Variants in TNS1 observed in about 807,000 individuals in gnomAD.
The protein encoded by TNS1 is tensin 1.
A neutral mutation model predicts 168.6 loss-of-function variants in TNS1; 62 were observed. The observed-to-expected ratio is 0.37, with a 90% CI of 0.30 to 0.45. The LOEUF (loss-of-function observed/expected upper bound fraction) is 0.45, where lower values mean the gene tolerates loss of function less well. Among genes scored for constraint, TNS1 ranks in the 20% least tolerant of loss-of-function variants. The pLI, the probability that TNS1 is intolerant of heterozygous loss-of-function variation, is 1.00. For synonymous variants in TNS1, 934 were observed against 933.2 expected, an observed-to-expected ratio of 1.00 and a Z score of -0.02; for missense variants, 2,240 against 2,339.4, an observed-to-expected ratio of 0.96 and a Z score of 0.88.
At chr2:217,862,840 G>A (rs1948908992) in intron 18 of TNS1, among the ~76,000 whole-genome samples, 2 of 152,228 alleles carry the variant, frequency 1.3e-5, no homozygotes, top group South Asian at 2.1e-4. Flanking sequence ...AATGTCTGCA[G>A]GTCTAGCTGT....
At chr2:217,873,229 T>C (rs916918687) in intron 18 of TNS1, among the ~76,000 whole-genome samples, 8 of 152,244 alleles carry the variant, frequency 5.3e-5, no homozygotes, top group African/African-American at 1.9e-4. Flanking sequence ...GAGTGATGGC[T>C]GAAAACTGCT....
upstream of TNS1, among the ~76,000 whole-genome samples, chr2:218,011,082 T>C (rs888272930): frequency 8.6e-5 from 13 of 152,038 alleles, no homozygotes; most frequent in Non-Finnish European, 1.6e-4. Context: ...GGACCAGCAC[T>C]CTAGGGCTGG....
intron 3 of TNS1, among the ~76,000 whole-genome samples, chr2:217,943,443 A>C (rs960576781): frequency 2.0e-5 from 3 of 152,148 alleles, no homozygotes; most frequent in African/African-American, 7.2e-5. Flanking sequence ...ATGGGCAGGC[A>C]AGTAGCAGAA....
At chr2:217,935,317 G>T (rs564998905) in intron 3 of TNS1, among the ~76,000 whole-genome samples, 1 of 152,266 alleles carries the variant, frequency 6.6e-6, no homozygotes, top group African/African-American at 2.4e-5. Context: ...CAGGCCCTCC[G>T]GAGGCTCTGG....
At position 217,838,367 on chromosome 2, in the gene TNS1, G is replaced by A. The variant is rs187392564; in HGVS notation, c.3008-2156C>T. Among the ~76,000 whole-genome samples, 48 of 152,356 alleles carry A rather than the reference G, an allele frequency of 3.2e-4. 1 individual carries two copies. In the East Asian group the frequency reaches 9.3e-3, roughly 29 times the overall value. On this transcript the variant is annotated intron_variant, in intron 19 of 32. Transcript: ENST00000682258. ...CCTGCAGCAGCTTGGGGTGCAGGGG[G>A]CACCTGACATCCGTAGAGAATGTGA...
Position 217,893,398 on chromosome 2 carries a change from G to GCACACACA in TNS1, c.717+40_717+41insTGTGTGTG, listed in dbSNP as rs765084895. 11 of 1,495,324 alleles carry GCACACACA rather than the reference G, an allele frequency of 7.4e-6. No homozygotes were observed. In the African/African-American group the frequency reaches 1.6e-4, roughly 22 times the overall value. The allele number at this position is 1,495,324 out of a possible 1,614,324, so 92.6% of individuals were successfully genotyped here. A position where few individuals can be genotyped will look rare whatever the true frequency, so the allele number is the denominator to read the frequency against. ...CACACACATGTGCGCATGTGCGCGC[G>GCACACACA]CGCACACACACACACACACACACAC... On this transcript the variant is annotated intron_variant, in intron 10 of 32. Coordinates refer to ENST00000682258, the MANE Select transcript of TNS1 (RefSeq NM_001387777.1).
chr2:217,804,629 A>G, intron 32 of TNS1, 26 bp from the exon 33 acceptor site: 1 of 1,613,264 alleles, frequency 6.2e-7, no homozygotes, highest in Non-Finnish European at 8.5e-7. Flanking sequence ...GGCAACGGGC[A>G]TGAGGGAAGG....
At chr2:217,963,745 G>GAAA (rs35864463) in intron 3 of TNS1, among the ~76,000 whole-genome samples, 1 of 115,372 alleles carries the variant, frequency 8.7e-6, no homozygotes. Context: ...TACATTTACC[G>GAAA]AAAAAAAAAA....
upstream of TNS1, among the ~76,000 whole-genome samples, chr2:218,014,818 C>T (rs1958740771): frequency 6.6e-6 from 1 of 151,330 alleles, no homozygotes; most frequent in Non-Finnish European, 1.5e-5. Flanking sequence ...GCAGGTGGCC[C>T]ATAATCATGA....
rs1271530879 is a variant in TNS1 at position 217,802,900 on chromosome 2, C to T, written c.*1559G>A. ...CCTCTCTCTAGGGGACTCGCATAGG[C>T]TTAAGAATGGAGTCCTGGTGAATTT... On this transcript the variant is annotated 3_prime_UTR_variant, in exon 33 of 33. Transcript: ENST00000682258. 3 of 152,622 alleles carry T rather than the reference C, an allele frequency of 2.0e-5. No individual in the cohort carries two copies. The highest frequency in any genetic ancestry group is 4.4e-5 in the Non-Finnish European group (3 of 68,042). The allele number at this position is 152,622 out of a possible 1,614,324, so 9.5% of individuals were successfully genotyped here. A position where few individuals can be genotyped will look rare whatever the true frequency, so the allele number is the denominator to read the frequency against.
At chr2:217,971,545 C>T (rs1957773907) in intron 3 of TNS1, among the ~76,000 whole-genome samples, 1 of 152,182 alleles carries the variant, frequency 6.6e-6, no homozygotes, top group Admixed American at 6.5e-5. Flanking sequence ...GTGAACAAGT[C>T]GTCTTTTTAC....
rs1937896507 is a variant in TNS1, at chr2:217,803,922, G to C, written c.*537C>G. On this transcript the variant is annotated 3_prime_UTR_variant, in exon 33 of 33. Transcript: ENST00000682258. ...GTGGAGGCACAGCAAAGAGACCTGAGGTGCCTTGGGTCTGAGATACTTTCA... is the reference window on the plus strand; with the variant it reads ...GTGGAGGCACAGCAAAGAGACCTGACGTGCCTTGGGTCTGAGATACTTTCA... 1 of 154,876 alleles carries C rather than the reference G, an allele frequency of 6.5e-6. No homozygotes were observed. Among genetic ancestry groups the C allele is most frequent in the Non-Finnish European group, 1.4e-5 (1 of 69,528 alleles). 9.6% of individuals were successfully genotyped at this position (154,876 alleles called of 1,614,324 possible).
intron 12 of TNS1, 55 bp from the exon 13 acceptor site, chr2:217,886,701 T>A: frequency 7.6e-7 from 1 of 1,313,538 alleles, no homozygotes; most frequent in Middle Eastern, 1.9e-4. Flanking sequence ...GGTGCAGTAA[T>A]CCCTGTTCTC....
At chr2:217,843,572 G>A (rs1455411680) in intron 19 of TNS1, among the ~76,000 whole-genome samples, 1 of 152,010 alleles carries the variant, frequency 6.6e-6, no homozygotes, top group Non-Finnish European at 1.5e-5. Flanking sequence ...TCACCAACAC[G>A]CACTAAAAAT....
intron 3 of TNS1, among the ~76,000 whole-genome samples, chr2:217,973,273 T>G (rs1002588764): frequency 8.0e-5 from 12 of 150,222 alleles, no homozygotes; most frequent in African/African-American, 2.7e-4. Flanking sequence ...GTGGGAGGAT[T>G]GAGGATGGCT....
chr2:217,839,460 C>T (rs1385374122), intron 19 of TNS1, among the ~76,000 whole-genome samples: 2 of 152,118 alleles, frequency 1.3e-5, no homozygotes, highest in Non-Finnish European at 2.9e-5. Flanking sequence ...AGGCGTCACT[C>T]TTCTGCCAGG....
intron 4 of TNS1, among the ~76,000 whole-genome samples, chr2:217,911,357 G>T (rs1226526269): frequency 2.0e-5 from 3 of 152,184 alleles, no homozygotes; most frequent in Non-Finnish European, 4.4e-5. Context: ...GCAAAGCAAG[G>T]TGGGGACTAG....
chr2:217,988,879 T>G (rs904014300), intron 2 of TNS1, among the ~76,000 whole-genome samples: 1 of 152,062 alleles, frequency 6.6e-6, no homozygotes, highest in African/African-American at 2.4e-5. Context: ...CAAGCACCTT[T>G]TGGGGGGTGT....
At chr2:217,805,454 T>TCACACACACCACCACACACCA (rs1553528622) in intron 32 of TNS1, among the ~76,000 whole-genome samples, 4,858 of 38,318 alleles carry the variant, frequency 0.13, 435 homozygotes, top group African/African-American at 0.14. Context: ...ATACACACCA[T>TCACACACACCACCACACACCA]CACACACACC....
Sources: gnomAD v4.1 joint callset for allele counts (sites outside exome capture counted in the v4.1 genomes callset) on GRCh38, gnomAD v4.1.1 for gene constraint, MANE v1.5 for transcripts, NCBI Gene and HGNC (gene_info 2026-07-23, HGNC 2026-07-21) for gene names.